Variants in ADA2 observed in about 807,000 individuals in gnomAD.
ADA2 encodes the protein adenosine deaminase CECR1.
A neutral mutation model predicts 44.2 loss-of-function variants in ADA2; 29 were observed. The observed-to-expected ratio is 0.66, with a 90% CI of 0.49 to 0.89. The LOEUF is 0.89. Among genes scored for constraint, ADA2 ranks in the 40% least tolerant of loss-of-function variants. The pLI is 0.00. For synonymous variants in ADA2, 215 were observed against 234.9 expected (o/e 0.92, Z 0.77); for missense variants, 637 against 644.8 (o/e 0.99, Z 0.13).
At chr22:17,208,177 G>C (rs2062375525) in intron 2 of ADA2, among the ~76,000 whole-genome samples, 1 of 152,052 alleles carries the variant, frequency 6.6e-6, no homozygotes, top group East Asian at 1.9e-4. Flanking sequence ...TGTAACCCCA[G>C]CACTTTGGGA....
chr22:17,191,854 A>G, intron 4 of ADA2, 44 bp from the exon 5 acceptor site: 1 of 1,580,530 alleles, frequency 6.3e-7, no homozygotes, highest in Non-Finnish European at 8.6e-7. Flanking sequence ...GAGCAGTGAG[A>G]GACGCCACCC....
intron 4 of ADA2, chr22:17,198,814 GAGA>G (rs2062228265): frequency 6.6e-6 from 1 of 152,372 alleles, no homozygotes; most frequent in East Asian, 1.9e-4. Context: ...CGGAGCCCAG[GAGA>G]TAAGACCCGC....
chr22:17,186,013 T>A (rs2062031482), intron 7 of ADA2, among the ~76,000 whole-genome samples: 1 of 152,202 alleles, frequency 6.6e-6, no homozygotes, highest in Non-Finnish European at 1.5e-5. Flanking sequence ...CTGAGATGAC[T>A]GAGCGAGCCC....
upstream of ADA2, among the ~76,000 whole-genome samples, chr22:17,221,156 A>AAG (rs2062520217): frequency 2.6e-5 from 4 of 151,062 alleles, no homozygotes; most frequent in Non-Finnish European, 2.9e-5. Flanking sequence ...AAAAAAAAAA[A>AAG]GAGTTTAACA....
At chr22:17,214,039 C>CATA (rs2062445525) in intron 1 of ADA2, 1 of 263,364 alleles carries the variant, frequency 3.8e-6, no homozygotes, top group Admixed American at 6.2e-5. Context: ...AACTCTGTCT[C>CATA]AAAAAAAAAA....
intron 3 of ADA2, among the ~76,000 whole-genome samples, chr22:17,205,627 CA>C (rs1187087555): frequency 1.3e-5 from 2 of 152,198 alleles, no homozygotes; most frequent in Non-Finnish European, 2.9e-5. Flanking sequence ...GAAGTAACCT[CA>C]GGGGGGCACT....
intron 1 of ADA2, among the ~76,000 whole-genome samples, chr22:17,211,864 G>C (rs991996098): frequency 1.3e-5 from 2 of 151,820 alleles, no homozygotes; most frequent in African/African-American, 4.8e-5. Context: ...GGAGGCGGAG[G>C]TTGCAGTGAG....
In ADA2 at chr22:17,181,583, GA is replaced by G. The variant is rs767628547; in HGVS notation, c.1443-8del. ...CTCCAACAGGGTACTGTACCTGCAG[GA>G]AGAGGAGGAGCCCAGGTCAGCCTCA... On this transcript the variant is annotated splice_polypyrimidine_tract_variant and splice_region_variant and intron_variant, in intron 9 of 9. Coordinates refer to ENST00000399837, the MANE Select transcript of ADA2 (RefSeq NM_001282225.2). The G allele has an allele frequency of 1.3e-5, 21 of 1,591,256 alleles. No individual in the cohort carries two copies. In the South Asian group the frequency reaches 2.3e-4, roughly 18 times the overall value.
chr22:17,200,111 C>CT (rs2062259110), intron 4 of ADA2, among the ~76,000 whole-genome samples: 1 of 152,150 alleles, frequency 6.6e-6, no homozygotes, highest in Non-Finnish European at 1.5e-5. Context: ...AGGAGAATCA[C>CT]TTGAATCCGG....
At chr22:17,184,360 T>C (rs1395081997) in intron 7 of ADA2, among the ~76,000 whole-genome samples, 1 of 152,136 alleles carries the variant, frequency 6.6e-6, no homozygotes, top group Non-Finnish European at 1.5e-5. Context: ...GCCTTAACGC[T>C]GGACTGGGAG....
rs984398217 is a variant in ADA2 at position 17,188,504 on chromosome 22, T to TG, written c.973-58dup. The TG allele has an allele frequency of 1.6e-4, 189 of 1,183,146 alleles. No individual in the cohort carries two copies. The Admixed American group carries it at 1.8e-3, about 11-fold the overall frequency. 73.3% of individuals were successfully genotyped at this position (1,183,146 alleles called of 1,614,324 possible). On this transcript the variant is annotated intron_variant, in intron 6 of 9. Transcript: ENST00000399837. ...GCAGGGCGCATGCCTCACTTGCTGA[T>TG]GGCGCGCCCTGGAGCCTGTGCACAC...
At chr22:17,182,047 A>C in intron 8 of ADA2, 25 bp from the exon 9 acceptor site, 1 of 1,579,152 alleles carries the variant, frequency 6.3e-7, no homozygotes, top group Non-Finnish European at 8.7e-7. Flanking sequence ...GGAAGGGAGA[A>C]AGATGAACTC....
At chr22:17,194,567 G>C (rs2062166357) in intron 4 of ADA2, among the ~76,000 whole-genome samples, 1 of 152,060 alleles carries the variant, frequency 6.6e-6, no homozygotes, top group African/African-American at 2.4e-5. Context: ...TTGCTCTTCT[G>C]TTTCCTCTGC....
chr22:17,193,026 C>A (rs116797199), intron 4 of ADA2: 12 of 675,780 alleles, frequency 1.8e-5, no homozygotes, highest in Non-Finnish European at 2.9e-5. Flanking sequence ...CAGAGGTATT[C>A]ACAACGGGGT....
At position 17,182,549 on chromosome 22, in the gene ADA2, C is replaced by A. The variant is rs2061984354; in HGVS notation, c.1239+55G>T. ...TTATACAGCAAAAAGTTTAAGAGAG[C>A]AGAGGTTGTGGTTAGGGGAGATCAT... On this transcript the variant is annotated intron_variant, in intron 8 of 9. Coordinates refer to ENST00000399837, the MANE Select transcript of ADA2 (RefSeq NM_001282225.2). 4.5e-6 allele frequency: 7 copies of A among 1,567,658 alleles called. No individual in the cohort carries two copies. The Admixed American group carries it at 1.2e-4, about 26-fold the overall frequency.
At chr22:17,187,665 T>TA (rs34113994) in intron 7 of ADA2, among the ~76,000 whole-genome samples, 34,621 of 136,708 alleles carry the variant, frequency 0.25, 4,271 homozygotes, top group African/African-American at 0.3. Flanking sequence ...CACGAAAAAT[T>TA]AAAAAAAAAA....
intron 1 of ADA2, among the ~76,000 whole-genome samples, chr22:17,218,677 T>A (rs2062495776): frequency 6.6e-6 from 1 of 152,184 alleles, no homozygotes; most frequent in Non-Finnish European, 1.5e-5. Context: ...ACTGTGAACT[T>A]TTCCAGGCTG....
intron 4 of ADA2, chr22:17,199,570 G>A (rs772934083): frequency 1.2e-6 from 2 of 1,614,032 alleles, no homozygotes; most frequent in South Asian, 2.2e-5. Context: ...TCCATTCCAG[G>A]GAATCCATCT....
chr22:17,215,363 G>A (rs1401554751), intron 1 of ADA2, among the ~76,000 whole-genome samples: 1 of 148,686 alleles, frequency 6.7e-6, no homozygotes. Flanking sequence ...CACTTTGGGA[G>A]GCCGAGGCAG....
Sources: allele counts gnomAD v4.1 joint callset (sites outside exome capture counted in the v4.1 genomes callset), GRCh38; gene constraint gnomAD v4.1.1; transcripts MANE v1.5; gene names NCBI Gene and HGNC (gene_info 2026-07-23, HGNC 2026-07-21).